Variants in TRIM24 observed in about 807,000 individuals in gnomAD.
TRIM24 encodes tripartite motif containing 24, also known as transcription intermediary factor 1-alpha.
TRIM24 carries 29 observed loss-of-function variants against 123.9 expected under a neutral mutation model. That is an observed-to-expected ratio of 0.23 (90% CI 0.17 to 0.32). TRIM24 has a LOEUF of 0.32. TRIM24 is among the 10% of genes least tolerant of loss of function. The pLI is 1.00. For synonymous variants in TRIM24, 456 were observed against 461.1 expected (o/e 0.99, Z 0.14); for missense variants, 932 against 1,295.3 (o/e 0.72, Z 4.31).
Position 138,519,298 on chromosome 7 carries a change from G to A in TRIM24, c.741G>A (p.Gln247=). Residue 247 remains glutamine (Q), a synonymous_variant, in exon 4 of 19, where the codon CAG becomes CAA. Transcript: ENST00000343526. ...TCDKLTCRDC[Q]LLEHKEHRYQ... The stretch of plus-strand genomic sequence containing the variant: ...ACAAACTGACATGTCGAGACTGTCA[G>A]TTGTTAGAACATAAAGAGCATAGGT... 6.2e-7 allele frequency: 1 copy of A among 1,612,624 alleles called. No individual in the cohort carries two copies. The highest frequency in any genetic ancestry group is 1.3e-5 in the African/African-American group (1 of 74,978).
chr7:138,580,307 C>CT (rs953289214), intron 15 of TRIM24, among the ~76,000 whole-genome samples: 32 of 152,018 alleles, frequency 2.1e-4, no homozygotes, highest in South Asian at 1.5e-3. Context: ...TTAGGTGTTT[C>CT]TTTTTTTTCA....
Position 138,525,337 on chromosome 7 carries a change from A to G in TRIM24, c.861A>G (p.Thr287=). The G allele has an allele frequency of 1.3e-6, 2 of 1,521,004 alleles. No individual in the cohort carries two copies. The highest frequency in any genetic ancestry group is 1.4e-5 in the African/African-American group (1 of 70,286). 94.2% of individuals were successfully genotyped at this position (1,521,004 alleles called of 1,614,324 possible). Residue 287 remains threonine, a synonymous_variant, in exon 5 of 19, where the codon ACA becomes ACG. Coordinates refer to ENST00000343526, the MANE Select transcript of TRIM24 (RefSeq NM_015905.3). The stretch of plus-strand genomic sequence containing the variant: ...AAAAAACAAAATACATAAAATTCAC[A>G]GGAAATCAGATCCAAAACAGGTAAT... ...LMEKTKYIKF[T]GNQIQNRIIE... is the part of the protein sequence containing the mutation.
At chr7:138,560,867 G>A (rs111410473) in intron 9 of TRIM24, among the ~76,000 whole-genome samples, 2,774 of 152,274 alleles carry the variant, frequency 0.018, 70 homozygotes, top group African/African-American at 0.061. Context: ...ATGCGGGGTA[G>A]TCATTCCTGC....
intron 15 of TRIM24, 108 bp downstream of exon 15, chr7:138,579,640 T>G: frequency 1.2e-6 from 1 of 868,704 alleles, no homozygotes; most frequent in Non-Finnish European, 1.8e-6. Flanking sequence ...GGCACAAGTG[T>G]ATACTCCAAA....
At chr7:138,515,496 C>T (rs745651105) in intron 3 of TRIM24, 137 bp downstream of exon 3, 35 of 1,073,036 alleles carry the variant, frequency 3.3e-5, no homozygotes, top group Non-Finnish European at 4.5e-5. Flanking sequence ...TTTATATTAT[C>T]GAAATTTAAG....
intron 1 of TRIM24, among the ~76,000 whole-genome samples, chr7:138,464,233 T>G (rs1341307156): frequency 6.6e-6 from 1 of 151,928 alleles, no homozygotes; most frequent in Non-Finnish European, 1.5e-5. Flanking sequence ...CCTGACCTTG[T>G]GATCCGCCTG....
chr7:138,503,542 A>AT (rs1399156220), intron 1 of TRIM24, among the ~76,000 whole-genome samples: 2 of 147,740 alleles, frequency 1.4e-5, no homozygotes, highest in Non-Finnish European at 3.0e-5. Flanking sequence ...ATTTGTTCTT[A>AT]TGCATTTCAT....
chr7:138,465,410 G>A (rs1250703575), intron 1 of TRIM24, among the ~76,000 whole-genome samples: 1 of 152,186 alleles, frequency 6.6e-6, no homozygotes, highest in African/African-American at 2.4e-5. Context: ...ATTTTGTGTT[G>A]TTAACGTACT....
intron 9 of TRIM24, among the ~76,000 whole-genome samples, chr7:138,559,965 G>T (rs1797391879): frequency 6.6e-6 from 1 of 152,148 alleles, no homozygotes; most frequent in Non-Finnish European, 1.5e-5. Flanking sequence ...TATCCCTAAA[G>T]CCTGCATTTG....
Position 138,585,841 on chromosome 7 carries a change from G to A in TRIM24, c.*890G>A, listed in dbSNP as rs944890793. 2 of 519,078 alleles carry A rather than the reference G, an allele frequency of 3.9e-6. No homozygotes were observed. Among genetic ancestry groups the A allele is most frequent in the Admixed American group, 3.9e-5 (2 of 51,582 alleles). 32.2% of individuals were successfully genotyped at this position (519,078 alleles called of 1,614,324 possible). A position where few individuals can be genotyped will look rare whatever the true frequency, so the allele number is the denominator to read the frequency against. ...AAATATAAATACAGCAGCGTGCACT[G>A]TATTTGATGTGAGGGTTCTTCATCA... On this transcript the variant is annotated 3_prime_UTR_variant, in exon 19 of 19. Transcript: ENST00000343526.
chr7:138,529,065 A>T, intron 5 of TRIM24, 51 bp from the exon 6 acceptor site: 1 of 1,149,648 alleles, frequency 8.7e-7, no homozygotes, highest in Non-Finnish European at 1.2e-6. Flanking sequence ...CGTCAATTTT[A>T]AATATTATAC....
intron 12 of TRIM24, among the ~76,000 whole-genome samples, chr7:138,574,717 G>C (rs1262185661): frequency 6.6e-6 from 1 of 152,034 alleles, no homozygotes; most frequent in Non-Finnish European, 1.5e-5. Context: ...GGTATGAGTT[G>C]GCAAAACATT....
intron 7 of TRIM24, among the ~76,000 whole-genome samples, chr7:138,548,141 T>C (rs1797137939): frequency 6.6e-6 from 1 of 152,282 alleles, no homozygotes; most frequent in Admixed American, 6.5e-5. Context: ...CGGGGATGCA[T>C]TCTGAGAAAT....
Position 138,525,374 on chromosome 7 carries a change from A to G in TRIM24, c.881+17A>G. ...CCAAAACAGGTAATTTTATGGTATTATGTAATCATTTTTATATAATTTGTT... is the reference window on the plus strand; with the variant it reads ...CCAAAACAGGTAATTTTATGGTATTGTGTAATCATTTTTATATAATTTGTT... On this transcript the variant is annotated intron_variant, in intron 5 of 18. Coordinates refer to ENST00000343526, the MANE Select transcript of TRIM24 (RefSeq NM_015905.3). 7.5e-7 allele frequency: 1 copy of G among 1,326,162 alleles called. No homozygotes were observed. Among genetic ancestry groups the G allele is most frequent in the Non-Finnish European group, 1.0e-6 (1 of 984,766 alleles). 82.1% of individuals were successfully genotyped at this position (1,326,162 alleles called of 1,614,324 possible). A position where few individuals can be genotyped will look rare whatever the true frequency, so the allele number is the denominator to read the frequency against.
At chr7:138,573,317 C>A (rs763411943) in intron 11 of TRIM24, among the ~76,000 whole-genome samples, 190 bp from the exon 12 acceptor site, 4 of 152,154 alleles carry the variant, frequency 2.6e-5, no homozygotes, top group Non-Finnish European at 5.9e-5. Context: ...TAAGGTGAAA[C>A]ACTAAGATAG....
intron 7 of TRIM24, 121 bp downstream of exon 7, chr7:138,538,924 A>G (rs569087570): frequency 1.3e-5 from 12 of 893,054 alleles, no homozygotes; most frequent in Non-Finnish European, 1.9e-5. Flanking sequence ...TCTAATATCT[A>G]TCAAAATATT....
chr7:138,493,769 AG>A (rs1409394510), intron 1 of TRIM24, among the ~76,000 whole-genome samples: 1 of 152,156 alleles, frequency 6.6e-6, no homozygotes, highest in Non-Finnish European at 1.5e-5. Context: ...ATGTTGCAGC[AG>A]GACTATGGAA....
At chr7:138,503,086 T>C (rs750949929) in intron 1 of TRIM24, among the ~76,000 whole-genome samples, 2 of 152,152 alleles carry the variant, frequency 1.3e-5, no homozygotes, top group African/African-American at 4.8e-5. Flanking sequence ...ACATGAAAAG[T>C]TCATCCCTTT....
intron 9 of TRIM24, among the ~76,000 whole-genome samples, chr7:138,561,669 C>T (rs916833263): frequency 2.0e-5 from 3 of 152,088 alleles, no homozygotes; most frequent in African/African-American, 7.2e-5. Context: ...ATTATGCTAC[C>T]GGGCCATGCC....
Sources: allele counts gnomAD v4.1 joint callset (sites outside exome capture counted in the v4.1 genomes callset), GRCh38; gene constraint gnomAD v4.1.1; transcripts MANE v1.5; gene names NCBI Gene and HGNC (gene_info 2026-07-23, HGNC 2026-07-21).